LRRC4C: variants seen among roughly 807,000 people sequenced by gnomAD.
LRRC4C encodes leucine rich repeat containing 4C, also known as leucine-rich repeat-containing protein 4C.
LRRC4C carries 5 observed loss-of-function variants against 33.6 expected under a neutral mutation model. The observed-to-expected ratio is 0.15, with a 90% confidence interval of 0.08 to 0.31. The LOEUF is 0.31. LRRC4C is among the 10% of genes least tolerant of loss of function. LRRC4C has a pLI of 1.00. For missense variants in LRRC4C, 560 were observed against 796.7 expected, an observed-to-expected ratio of 0.70 and a Z score of 3.58; for synonymous variants, 329 against 302.0, an observed-to-expected ratio of 1.09 and a Z score of -0.93.
chr11:41,414,592 AGGAGTCCTG>A (rs1223642972), intron 1 of LRRC4C, among the ~76,000 whole-genome samples: 3 of 151,982 alleles, frequency 2.0e-5, no homozygotes, highest in Non-Finnish European at 2.9e-5. Flanking sequence ...AAGTTGCTCC[AGGAGTCCTG>A]GTTTTTGGAG....
chr11:40,969,522 C>T (rs1232719496), intron 1 of LRRC4C, among the ~76,000 whole-genome samples: 1 of 150,858 alleles, frequency 6.6e-6, no homozygotes, highest in Non-Finnish European at 1.5e-5. Context: ...AACTTCATTA[C>T]TGTCTTCTTT....
At position 40,627,253 on chromosome 11, in the gene LRRC4C, TAGAG is replaced by T. The variant is rs58297752; in HGVS notation, c.-270+20885_-270+20888del. On this transcript the variant is annotated intron_variant, in intron 3 of 6. Transcript: ENST00000528697. ...TTCAAAAGCAAGCTGTGTTTCCCAT[TAGAG>T]AGAGAGAGAGAGAGAGAGCGAGAGA... is the stretch of plus-strand genomic sequence containing the variant. Among the ~76,000 whole-genome samples the T allele has an allele frequency of 2.6e-3, 338 of 129,138 alleles. 1 individual carries two copies. The highest frequency in any genetic ancestry group is 9.7e-3 in the African/African-American group (325 of 33,368). 84.7% of individuals were successfully genotyped at this position (129,138 alleles called of 152,430 possible). A position where few individuals can be genotyped will look rare whatever the true frequency, so the allele number is the denominator to read the frequency against.
Position 40,699,720 on chromosome 11 carries a change from C to A in LRRC4C, c.-406-51442G>T, listed in dbSNP as rs143738891. Reference sequence around the variant, plus strand: ...CACACATATAATTTCTATTTACATACACGTTTCCCTAAGGAATATTGATGG... The same window carrying A: ...CACACATATAATTTCTATTTACATAAACGTTTCCCTAAGGAATATTGATGG... On this transcript the variant is annotated intron_variant, in intron 2 of 6. Transcript: ENST00000528697. 3.9e-5 allele frequency among the ~76,000 whole-genome samples: 6 copies of A among 152,256 alleles called. No individual in the cohort carries two copies. In the East Asian group the frequency reaches 1.2e-3, roughly 29 times the overall value.
intron 1 of LRRC4C, among the ~76,000 whole-genome samples, chr11:41,327,815 T>C (rs1951168901): frequency 1.3e-5 from 2 of 152,200 alleles, no homozygotes; most frequent in Non-Finnish European, 2.9e-5. Flanking sequence ...CACACTCTCT[T>C]GCCTGCTGCT....
intron 3 of LRRC4C, among the ~76,000 whole-genome samples, chr11:40,633,185 T>A (rs1219870351): frequency 1.3e-5 from 2 of 152,024 alleles, no homozygotes; most frequent in African/African-American, 4.8e-5. Flanking sequence ...AAGAGAGAAG[T>A]CATCTTTGTT....
chr11:40,639,129 T>G lies in LRRC4C; in HGVS notation c.-270+9013A>C, dbSNP rs185764053. Among the ~76,000 whole-genome samples, 11 of 151,658 alleles carry G rather than the reference T, an allele frequency of 7.3e-5. No individual in the cohort carries two copies. In the East Asian group the frequency reaches 2.1e-3, roughly 29 times the overall value. On this transcript the variant is annotated intron_variant, in intron 3 of 6. Transcript: ENST00000528697. ...ACAAGTTTTCATCTTGCAGATATCT[T>G]ACCCCCAAAAAGTAACACTTTGTTA...
intron 1 of LRRC4C, among the ~76,000 whole-genome samples, chr11:41,050,385 G>A (rs150686359): frequency 1.3e-5 from 2 of 152,094 alleles, no homozygotes; most frequent in Non-Finnish European, 1.5e-5. Flanking sequence ...CATCCACCTG[G>A]CATCCACGTT....
rs1406236221 is a variant in LRRC4C at position 40,641,121 on chromosome 11, A to G, written c.-270+7021T>C. On this transcript the variant is annotated intron_variant, in intron 3 of 6. Transcript: ENST00000528697. ...TCAGTTAATATAGACTATTGTTTAT[A>G]TTGAGTACTATATAGCACTCTGAAT... 2.6e-5 allele frequency among the ~76,000 whole-genome samples: 4 copies of G among 152,024 alleles called. 1 individual carries two copies. Among genetic ancestry groups the G allele is most frequent in the Non-Finnish European group, 5.9e-5 (4 of 68,016 alleles).
intron 1 of LRRC4C, among the ~76,000 whole-genome samples, chr11:41,196,948 G>A (rs896553569): frequency 2.6e-5 from 4 of 151,990 alleles, no homozygotes; most frequent in African/African-American, 9.7e-5. Flanking sequence ...TGGATTGAAA[G>A]GAAGAAAGAC....
chr11:41,336,252 A>T (rs184471428), intron 1 of LRRC4C, among the ~76,000 whole-genome samples: 15,768 of 149,594 alleles, frequency 0.11, 861 homozygotes, highest in South Asian at 0.2. Context: ...CTTTTTTTTT[A>T]AAAAAAAAAG....
At chr11:40,842,440 A>G (rs955717443) in intron 2 of LRRC4C, among the ~76,000 whole-genome samples, 3 of 152,160 alleles carry the variant, frequency 2.0e-5, no homozygotes, top group Admixed American at 2.0e-4. Context: ...ATAATTGCAT[A>G]TATTTATTGT....
chr11:41,381,727 A>G (rs1953162176), intron 1 of LRRC4C, among the ~76,000 whole-genome samples: 1 of 151,816 alleles, frequency 6.6e-6, no homozygotes, highest in East Asian at 1.9e-4. Context: ...ATTTTTGGAA[A>G]TAAGAAAAAC....
rs892880858 is a variant in LRRC4C, at chr11:40,675,221, A to G, written c.-406-26943T>C. On this transcript the variant is annotated intron_variant, in intron 2 of 6. Transcript: ENST00000528697. ...TGTTCTAGGTGGGGCGGAAAAGCCA[A>G]GTTGCAATCAGAAAGTGTATCTACT... Among the ~76,000 whole-genome samples the G allele has an allele frequency of 2.6e-5, 4 of 152,218 alleles. No homozygotes were observed. The South Asian group carries it at 6.2e-4, about 24-fold the overall frequency.
At chr11:41,343,124 A>G (rs978298818) in intron 1 of LRRC4C, among the ~76,000 whole-genome samples, 2 of 152,144 alleles carry the variant, frequency 1.3e-5, no homozygotes, top group East Asian at 3.9e-4. Flanking sequence ...TTTTTCACTT[A>G]CTTATATCTG....
At chr11:41,003,993 A>G (rs1225048517) in intron 1 of LRRC4C, among the ~76,000 whole-genome samples, 7 of 151,550 alleles carry the variant, frequency 4.6e-5, no homozygotes, top group Non-Finnish European at 1.0e-4. Flanking sequence ...AATGGGGACA[A>G]GTGTCAAGGA....
chr11:40,234,396 G>A (rs752632171), intron 5 of LRRC4C, among the ~76,000 whole-genome samples: 15 of 152,134 alleles, frequency 9.9e-5, no homozygotes, highest in African/African-American at 1.4e-4. Flanking sequence ...TCCACTGACT[G>A]AGCTCTTAAT....
intron 1 of LRRC4C, among the ~76,000 whole-genome samples, chr11:41,201,921 AACACACACACACAC>A (rs72276649): frequency 6.6e-6 from 1 of 150,626 alleles, no homozygotes. Flanking sequence ...CACACACACA[AACACACACACACAC>A]ACACACACAC....
chr11:41,370,575 G>A (rs967354605), intron 1 of LRRC4C, among the ~76,000 whole-genome samples: 4 of 152,184 alleles, frequency 2.6e-5, no homozygotes, highest in Admixed American at 6.5e-5. Context: ...TGTAAGAAGC[G>A]CCTTTCTCCT....
chr11:41,250,544 G>T (rs1460417161), intron 1 of LRRC4C, among the ~76,000 whole-genome samples: 1 of 152,178 alleles, frequency 6.6e-6, no homozygotes, highest in East Asian at 1.9e-4. Flanking sequence ...GAGAAATCCA[G>T]TGGTTCAGGC....
Sources: allele counts gnomAD v4.1 joint callset (sites outside exome capture counted in the v4.1 genomes callset), GRCh38; gene constraint gnomAD v4.1.1; transcripts MANE v1.5; gene names NCBI Gene and HGNC (gene_info 2026-07-23, HGNC 2026-07-21).